Variants in CPNE2 observed in about 807,000 individuals in gnomAD.
CPNE2 encodes copine 2.
In CPNE2, 42 loss-of-function variants were observed where a neutral mutation model predicts 69.7. That is an observed-to-expected ratio of 0.60 (90% confidence interval 0.47 to 0.78). The LOEUF (loss-of-function observed/expected upper bound fraction) is 0.78, where lower values mean the gene tolerates loss of function less well. Ranked by LOEUF, CPNE2 falls within the 30% of genes least tolerant of loss-of-function variation. The pLI, the probability that CPNE2 is intolerant of heterozygous loss-of-function variation, is 0.00. For synonymous variants in CPNE2, 294 were observed against 289.8 expected (o/e 1.01, Z -0.15); for missense variants, 587 against 732.0 (o/e 0.80, Z 2.29).
intron 14 of CPNE2, among the ~76,000 whole-genome samples, chr16:57,139,051 A>G (rs1360829411): frequency 6.6e-6 from 1 of 152,248 alleles, no homozygotes; most frequent in African/African-American, 2.4e-5. Context: ...GAGAAAGAGT[A>G]ATTCACAGAG....
chr16:57,137,076 T>G (rs1265180799), intron 13 of CPNE2, 73 bp from the exon 14 acceptor site: 1 of 1,572,810 alleles, frequency 6.4e-7, no homozygotes, highest in East Asian at 2.3e-5. Context: ...AATAGATGTT[T>G]CATCAGCAGT....
chr16:57,126,131 C>T (rs1310657933), intron 11 of CPNE2, 138 bp downstream of exon 11: 23 of 1,084,136 alleles, frequency 2.1e-5, no homozygotes, highest in Non-Finnish European at 2.8e-5. Context: ...AGTTATTACC[C>T]ATTCCCATAC....
At chr16:57,106,578 A>G (rs1202034618) in intron 1 of CPNE2, among the ~76,000 whole-genome samples, 1 of 152,176 alleles carries the variant, frequency 6.6e-6, no homozygotes, top group Non-Finnish European at 1.5e-5. Flanking sequence ...AAGCAGGTGA[A>G]TCTGGGCGTG....
intron 10 of CPNE2, chr16:57,124,609 G>A (rs2069787256): frequency 3.7e-5 from 12 of 325,864 alleles, no homozygotes; most frequent in South Asian, 2.8e-4. Flanking sequence ...GTGGCCTGGA[G>A]TCTTTGCCCC....
chr16:57,132,499 G>T (rs1320096279), intron 12 of CPNE2, among the ~76,000 whole-genome samples: 2 of 152,186 alleles, frequency 1.3e-5, no homozygotes, highest in Non-Finnish European at 2.9e-5. Flanking sequence ...GCCTCAGCCA[G>T]GGCCACAGGG....
intron 3 of CPNE2, among the ~76,000 whole-genome samples, chr16:57,114,665 C>T (rs2069704751): frequency 6.6e-6 from 1 of 152,172 alleles, no homozygotes; most frequent in Admixed American, 6.5e-5. Context: ...ACCCAGGAAG[C>T]ACGAACCATG....
At chr16:57,147,297 C>T (rs2069965712) in intron 15 of CPNE2, 1 of 370,466 alleles carries the variant, frequency 2.7e-6, no homozygotes, top group Non-Finnish European at 4.8e-6. Flanking sequence ...TAACCCGTTA[C>T]TCCCAAGCAT....
At chr16:57,145,236 A>G (rs2069948747) in intron 14 of CPNE2, among the ~76,000 whole-genome samples, 1 of 152,224 alleles carries the variant, frequency 6.6e-6, no homozygotes, top group Non-Finnish European at 1.5e-5. Flanking sequence ...TGTCTCCTCA[A>G]GCTCTGGGCT....
At chr16:57,133,405 C>G (rs746437713) in intron 12 of CPNE2, among the ~76,000 whole-genome samples, 8 of 152,174 alleles carry the variant, frequency 5.3e-5, no homozygotes, top group African/African-American at 1.9e-4. Flanking sequence ...CCCTCTCCCC[C>G]AGGAGTAAGA....
rs1291618191 is a variant in CPNE2 at position 57,107,995 on chromosome 16, C to T, written c.-35-2713C>T. ...AAGCAATTCTCCTGCCTCAGTCTCCCGAGTAGCTGGGACTACAGGTGCACG... is the reference window on the plus strand; with the variant it reads ...AAGCAATTCTCCTGCCTCAGTCTCCTGAGTAGCTGGGACTACAGGTGCACG... On this transcript the variant is annotated intron_variant, in intron 1 of 15. Coordinates refer to ENST00000290776, the MANE Select transcript of CPNE2 (RefSeq NM_152727.6). 3.3e-5 allele frequency among the ~76,000 whole-genome samples: 5 copies of T among 151,922 alleles called. No individual in the cohort carries two copies. The South Asian group carries it at 8.3e-4, about 25-fold the overall frequency.
At chr16:57,134,627 G>A (rs1430324688) in intron 12 of CPNE2, 148 bp from the exon 13 acceptor site, 9 of 781,522 alleles carry the variant, frequency 1.2e-5, no homozygotes, top group African/African-American at 5.1e-5. Context: ...AAAAGCAGAT[G>A]TGGGGGGTAT....
At chr16:57,109,304 C>T (rs774566706) in intron 1 of CPNE2, among the ~76,000 whole-genome samples, 19 of 151,716 alleles carry the variant, frequency 1.3e-4, no homozygotes, top group Middle Eastern at 6.8e-3. Flanking sequence ...GGTGAAACCT[C>T]GTCTCTACTA....
chr16:57,146,305 T>G lies in CPNE2; in HGVS notation c.1523T>G (p.Phe508Cys). ...CGCGATATTGTGCAGTTCGTTCCCT[T>G]TCGAGAGTTCCGCAACGTGAGTGTG... The part of the protein sequence containing the change: ...AARDIVQFVP[F>C]REFRNAAKET... Residue 508 changes from phenylalanine (F) to cysteine (C), a missense_variant, in exon 15 of 16, where the codon TTT becomes TGT. This residue lies in a region of CPNE2 where 185 missense variants were observed against 252.3 expected (regional missense o/e 0.73). Transcript: ENST00000290776. The surrounding 1 kb of genome is among the most constrained non-coding windows in gnomAD (Gnocchi z 4.4). The G allele has an allele frequency of 1.3e-6, 2 of 1,552,130 alleles. No individual in the cohort carries two copies. Among genetic ancestry groups the G allele is most frequent in the Non-Finnish European group, 8.7e-7 (1 of 1,146,534 alleles).
At chr16:57,109,727 G>A (rs535854951) in intron 1 of CPNE2, among the ~76,000 whole-genome samples, 3 of 152,284 alleles carry the variant, frequency 2.0e-5, no homozygotes, top group Admixed American at 6.5e-5. Context: ...TCTCATGGCC[G>A]TCTTGGTTTT....
chr16:57,139,915 T>C (rs929194644), intron 14 of CPNE2, among the ~76,000 whole-genome samples: 2 of 151,374 alleles, frequency 1.3e-5, no homozygotes, highest in African/African-American at 2.4e-5. Context: ...CAGGAGGAGG[T>C]AGTATTAGGA....
intron 12 of CPNE2, among the ~76,000 whole-genome samples, chr16:57,129,890 T>C (rs2069825596): frequency 6.6e-6 from 1 of 152,120 alleles, no homozygotes. Flanking sequence ...CCTGGCCACC[T>C]GGGCCAGGAC....
At position 57,146,255 on chromosome 16, in the gene CPNE2, C is replaced by T; in HGVS notation, c.1473C>T (p.Arg491=). The change falls in exon 15 of 16, where the codon CGC becomes CGT. Residue 491 remains arginine (R), a synonymous_variant. Coordinates refer to ENST00000290776, the MANE Select transcript of CPNE2 (RefSeq NM_152727.6). This position sits in a 1 kb window ranked among gnomAD's most constrained non-coding sequence, Gnocchi z 4.4. ...TGGATGGGGACAGCCGCATGCTGCGCTCCCACACGGGGGAGGAGGCAGCCC... is the reference window on the plus strand; with the variant it reads ...TGGATGGGGACAGCCGCATGCTGCGTTCCCACACGGGGGAGGAGGCAGCCC... ...EFLDGDSRML[R]SHTGEEAARD... 6.4e-7 allele frequency: 1 copy of T among 1,558,190 alleles called. No individual in the cohort carries two copies. The highest frequency in any genetic ancestry group is 8.7e-7 in the Non-Finnish European group (1 of 1,150,278).
chr16:57,101,077 T>C (rs2069610189), intron 1 of CPNE2, among the ~76,000 whole-genome samples: 1 of 152,326 alleles, frequency 6.6e-6, no homozygotes, highest in African/African-American at 2.4e-5. Flanking sequence ...CCTCATTCAA[T>C]TGATCAGAGG....
In CPNE2 at chr16:57,137,653, G is replaced by A. The variant is rs3816542; in HGVS notation, c.1302+371G>A. Among the ~76,000 whole-genome samples, 105 of 152,308 alleles carry A rather than the reference G, an allele frequency of 6.9e-4. 1 individual carries two copies. The East Asian group carries it at 0.017, about 25-fold the overall frequency. ...CCTAGTTCCAATCAGAGCTGCCCCT[G>A]CCTTACACTGAGGGCTGCTGAACTG... On this transcript the variant is annotated intron_variant, in intron 14 of 15. Coordinates refer to ENST00000290776, the MANE Select transcript of CPNE2 (RefSeq NM_152727.6).
Sources: gnomAD v4.1 joint callset for allele counts (sites outside exome capture counted in the v4.1 genomes callset) on GRCh38, gnomAD v4.1.1 for gene constraint, gnomAD v4.1.1 regional missense constraint, Gnocchi (gnomAD v3.1) non-coding constraint, MANE v1.5 for transcripts, NCBI Gene and HGNC (gene_info 2026-07-23, HGNC 2026-07-21) for gene names.